PTPRT: variants seen among roughly 807,000 people sequenced by gnomAD.
PTPRT encodes receptor-type tyrosine-protein phosphatase T.
In PTPRT, 56 loss-of-function variants were observed where a neutral mutation model predicts 176.8. The observed-to-expected ratio is 0.32, with a 90% CI of 0.26 to 0.40. The LOEUF is 0.40. PTPRT is among the 10% of genes least tolerant of loss of function. PTPRT has a pLI of 1.00. For missense variants in PTPRT, 1,540 were observed against 1,908.2 expected, an observed-to-expected ratio of 0.81 and a Z score of 3.60; for synonymous variants, 783 against 739.0, an observed-to-expected ratio of 1.06 and a Z score of -0.96.
At chr20:42,268,726 G>A (rs1329181875) in intron 13 of PTPRT, among the ~76,000 whole-genome samples, 1 of 152,212 alleles carries the variant, frequency 6.6e-6, no homozygotes, top group Non-Finnish European at 1.5e-5. Context: ...ATCTAACAGG[G>A]AGTGGCTGAG....
At chr20:42,378,092 G>A (rs2058667357) in intron 9 of PTPRT, among the ~76,000 whole-genome samples, 1 of 152,190 alleles carries the variant, frequency 6.6e-6, no homozygotes, top group Non-Finnish European at 1.5e-5. Context: ...AGATTCTGGA[G>A]CCAAACCGAC....
Position 42,239,413 on chromosome 20 carries a change from CTTT to C in PTPRT, c.2313-3158_2313-3156del, listed in dbSNP as rs35978863. On this transcript the variant is annotated intron_variant, in intron 14 of 30. Coordinates refer to ENST00000373187, the MANE Select transcript of PTPRT (RefSeq NM_007050.6). Reference sequence around the variant, plus strand: ...ATAAAGCTTGTAGCTCATTTTCTTTCTTTTTTTTTTTTTTTTTTTTTTTTTGAG... The same window carrying C: ...ATAAAGCTTGTAGCTCATTTTCTTTCTTTTTTTTTTTTTTTTTTTTTTGAG... Among the ~76,000 whole-genome samples, 322 of 81,218 alleles carry C rather than the reference CTTT, an allele frequency of 4.0e-3. 1 individual carries two copies. The highest frequency in any genetic ancestry group is 0.014 in the African/African-American group (314 of 21,982). 53.3% of individuals were successfully genotyped at this position (81,218 alleles called of 152,430 possible).
intron 1 of PTPRT, among the ~76,000 whole-genome samples, chr20:43,086,991 G>C (rs966789890): frequency 6.6e-6 from 1 of 152,020 alleles, no homozygotes; most frequent in Non-Finnish European, 1.5e-5. Context: ...CAATTGTGTG[G>C]GCACCACCAT....
At chr20:42,760,369 T>TTCTAAATC (rs1313635233) in intron 5 of PTPRT, among the ~76,000 whole-genome samples, 1 of 151,276 alleles carries the variant, frequency 6.6e-6, no homozygotes, top group East Asian at 1.9e-4. Context: ...GGCAGTCTGT[T>TTCTAAATC]TCTAAATCTG....
At chr20:42,310,317 T>C (rs1319236220) in intron 12 of PTPRT, among the ~76,000 whole-genome samples, 4 of 152,074 alleles carry the variant, frequency 2.6e-5, no homozygotes, top group African/African-American at 9.7e-5. Flanking sequence ...AATTATGCCA[T>C]GTGAAAAATA....
At chr20:42,776,808 A>G (rs1027740190) in intron 4 of PTPRT, among the ~76,000 whole-genome samples, 1 of 148,468 alleles carries the variant, frequency 6.7e-6, no homozygotes, top group African/African-American at 2.4e-5. Flanking sequence ...AATTATTTAT[A>G]TACTATAACT....
chr20:42,543,680 A>G (rs980762963), intron 7 of PTPRT, among the ~76,000 whole-genome samples: 1 of 151,872 alleles, frequency 6.6e-6, no homozygotes, highest in Non-Finnish European at 1.5e-5. Flanking sequence ...GCCCATATCC[A>G]TCAGAGGAAT....
intron 16 of PTPRT, among the ~76,000 whole-genome samples, chr20:42,162,835 A>C (rs1568633309): frequency 6.6e-6 from 1 of 152,236 alleles, no homozygotes; most frequent in Non-Finnish European, 1.5e-5. Flanking sequence ...ACTCCATCAG[A>C]CATGGATCCT....
At chr20:42,559,169 A>G (rs1203800863) in intron 7 of PTPRT, among the ~76,000 whole-genome samples, 1 of 152,182 alleles carries the variant, frequency 6.6e-6, no homozygotes, top group Non-Finnish European at 1.5e-5. Context: ...ATTTCTGCAA[A>G]ATTCTGCCCT....
At chr20:42,758,735 C>CAACATGCA (rs2076873102) in intron 5 of PTPRT, among the ~76,000 whole-genome samples, 1 of 152,182 alleles carries the variant, frequency 6.6e-6, no homozygotes, top group East Asian at 1.9e-4. Flanking sequence ...ATGCATGGGG[C>CAACATGCA]TGTAAGAGGA....
At chr20:42,693,605 G>A (rs1421249996) in intron 6 of PTPRT, among the ~76,000 whole-genome samples, 1 of 152,092 alleles carries the variant, frequency 6.6e-6, no homozygotes, top group Non-Finnish European at 1.5e-5. Flanking sequence ...ACTTCACTGT[G>A]GTAGGAGAAG....
intron 7 of PTPRT, among the ~76,000 whole-genome samples, chr20:42,665,707 T>C (rs2075303092): frequency 6.6e-6 from 1 of 152,028 alleles, no homozygotes. Context: ...TGTCCAACAG[T>C]GATAGACTGG....
At chr20:42,861,267 C>A (rs2078655551) in intron 2 of PTPRT, among the ~76,000 whole-genome samples, 1 of 152,168 alleles carries the variant, frequency 6.6e-6, no homozygotes, top group Admixed American at 6.5e-5. Flanking sequence ...CTTCACTATC[C>A]CTTGTTAATT....
chr20:43,044,720 G>T (rs555590994), intron 1 of PTPRT, among the ~76,000 whole-genome samples: 14 of 152,268 alleles, frequency 9.2e-5, no homozygotes, highest in African/African-American at 3.4e-4. Flanking sequence ...TGTGTAAGAC[G>T]CTCAGCACAG....
chr20:42,699,794 T>TAC (rs377564235), intron 6 of PTPRT, among the ~76,000 whole-genome samples: 6 of 152,206 alleles, frequency 3.9e-5, no homozygotes, highest in Non-Finnish European at 7.3e-5. Context: ...TACAGTGCCT[T>TAC]ACAAAGGAAT....
At chr20:42,851,988 C>T (rs2078480512) in intron 2 of PTPRT, among the ~76,000 whole-genome samples, 1 of 152,168 alleles carries the variant, frequency 6.6e-6, no homozygotes, top group Admixed American at 6.5e-5. Flanking sequence ...TACATAGACA[C>T]AAATCATTTT....
chr20:42,989,958 C>T (rs148695110), intron 1 of PTPRT, among the ~76,000 whole-genome samples: 1 of 152,334 alleles, frequency 6.6e-6, no homozygotes, highest in East Asian at 1.9e-4. Flanking sequence ...TGAATGAAGA[C>T]TGAGCAGCAT....
At chr20:42,812,704 G>A (rs1016485492) in intron 2 of PTPRT, among the ~76,000 whole-genome samples, 3 of 151,928 alleles carry the variant, frequency 2.0e-5, no homozygotes, top group African/African-American at 7.3e-5. Context: ...TACTAGACAT[G>A]TTGCCTTGGG....
chr20:42,044,433 C>T, the PTPRT span, among the ~76,000 whole-genome samples: 6 of 152,300 alleles, frequency 3.9e-5, no homozygotes, highest in Middle Eastern at 3.4e-3. Flanking sequence ...ACACACCAAT[C>T]GAGAGGACTC....
Sources: gnomAD v4.1 joint callset for allele counts (sites outside exome capture counted in the v4.1 genomes callset) on GRCh38, gnomAD v4.1.1 for gene constraint, MANE v1.5 for transcripts, NCBI Gene and HGNC (gene_info 2026-07-23, HGNC 2026-07-21) for gene names.